Variants in SNX25 observed in about 807,000 individuals in gnomAD.
The protein encoded by SNX25 is sorting nexin 25, also known as sorting nexin-25.
SNX25 carries 62 observed loss-of-function variants against 113.7 expected under a neutral mutation model. The ratio of observed to expected loss-of-function variants is 0.55; its 90% CI spans 0.44 to 0.67. The LOEUF (loss-of-function observed/expected upper bound fraction) is 0.67, where lower values mean the gene tolerates loss of function less well. Among genes scored for constraint, SNX25 ranks in the 30% least tolerant of loss-of-function variants. The pLI, the probability that SNX25 is intolerant of heterozygous loss-of-function variation, is 0.00. For synonymous variants in SNX25, 421 were observed against 436.2 expected, an observed-to-expected ratio of 0.97 and a Z score of 0.43; for missense variants, 1,014 against 1,161.0, an observed-to-expected ratio of 0.87 and a Z score of 1.84.
At chr4:185,216,479 A>G (rs994506330) in intron 1 of SNX25, among the ~76,000 whole-genome samples, 29 of 151,582 alleles carry the variant, frequency 1.9e-4, no homozygotes, top group African/African-American at 6.8e-4. Flanking sequence ...ATGCTAATCA[A>G]GTGTACCCAG....
chr4:185,338,557 G>A (rs879679460), intron 10 of SNX25, among the ~76,000 whole-genome samples: 1 of 152,092 alleles, frequency 6.6e-6, no homozygotes, highest in Non-Finnish European at 1.5e-5. Context: ...CAAAGTGCTA[G>A]GATTACAGTT....
chr4:185,339,954 GT>G (rs202124778), intron 11 of SNX25, among the ~76,000 whole-genome samples: 4 of 151,658 alleles, frequency 2.6e-5, no homozygotes, highest in African/African-American at 4.8e-5. Flanking sequence ...TTATTTTGCT[GT>G]TTTTTTTGAG....
intron 6 of SNX25, among the ~76,000 whole-genome samples, chr4:185,289,463 G>T (rs1298327838): frequency 2.0e-5 from 3 of 152,266 alleles, no homozygotes; most frequent in South Asian, 2.1e-4. Context: ...CTGGAGAAGG[G>T]CAGGTGCCAA....
chr4:185,229,233 C>A (rs754933512), intron 1 of SNX25, among the ~76,000 whole-genome samples: 2 of 152,182 alleles, frequency 1.3e-5, no homozygotes, highest in Non-Finnish European at 2.9e-5. Flanking sequence ...GCCCACACCT[C>A]ATCAAGCCAA....
intron 5 of SNX25, among the ~76,000 whole-genome samples, chr4:185,278,801 A>T (rs78476435): frequency 0.016 from 2,432 of 152,354 alleles, 47 homozygotes; most frequent in South Asian, 0.059. Context: ...AACATATACG[A>T]ATGGTGCTAT....
chr4:185,310,914 A>G (rs1755152632), intron 7 of SNX25, 98 bp downstream of exon 7: 2 of 1,183,342 alleles, frequency 1.7e-6, no homozygotes, highest in South Asian at 1.7e-5. Flanking sequence ...TATTGAACTT[A>G]GACATGTGTG....
intron 6 of SNX25, among the ~76,000 whole-genome samples, chr4:185,302,587 T>C (rs1753865067): frequency 6.6e-6 from 1 of 152,230 alleles, no homozygotes; most frequent in South Asian, 2.1e-4. Context: ...GGGTTTTCCT[T>C]GCAGTGCCCT....
chr4:185,366,126 C>T (rs1002228056), downstream of SNX25: 1 of 152,178 alleles, frequency 6.6e-6, no homozygotes, highest in African/African-American at 2.4e-5. Context: ...GACCTGTCTT[C>T]GATATGTATA....
chr4:185,240,312 A>G (rs1206684293), intron 1 of SNX25, among the ~76,000 whole-genome samples: 1 of 151,760 alleles, frequency 6.6e-6, no homozygotes, highest in East Asian at 2.0e-4. Flanking sequence ...GTGGCCGGGC[A>G]GAGGGGCTCC....
chr4:185,233,950 C>T (rs2871438), intron 1 of SNX25, among the ~76,000 whole-genome samples: 5,013 of 152,144 alleles, frequency 0.033, 131 homozygotes, highest in East Asian at 0.11. Flanking sequence ...CTCTGCCTCC[C>T]GGGTTCACAC....
chr4:185,208,365 C>T (rs1054068869), upstream of SNX25, among the ~76,000 whole-genome samples: 1 of 152,122 alleles, frequency 6.6e-6, no homozygotes, highest in African/African-American at 2.4e-5. Context: ...TTATTTTGAT[C>T]ATCCCCTTGG....
chr4:185,327,482 C>G (rs1030016414), intron 9 of SNX25, among the ~76,000 whole-genome samples: 2 of 152,222 alleles, frequency 1.3e-5, no homozygotes, highest in African/African-American at 2.4e-5. Flanking sequence ...AAACATCCCT[C>G]TCTTTAAACA....
intron 1 of SNX25, among the ~76,000 whole-genome samples, chr4:185,240,389 C>CG (rs1330333760): frequency 1.4e-4 from 21 of 147,070 alleles, no homozygotes; most frequent in African/African-American, 2.5e-5. Flanking sequence ...GCTGGCCGGG[C>CG]GGGGGGCTGA....
At position 185,222,485 on chromosome 4, in the gene SNX25, C is replaced by T. The variant is rs114292456; in HGVS notation, c.429+12230C>T. Among the ~76,000 whole-genome samples, 845 of 151,532 alleles carry T rather than the reference C, an allele frequency of 5.6e-3. 6 individuals are homozygous for T. The highest frequency in any genetic ancestry group is 0.019 in the African/African-American group (770 of 41,272). ...TTCAGCACCCTATACCCCTCCCTCT[C>T]GGTAGGTTTACAGCGCCGTATACCC... On this transcript the variant is annotated intron_variant, in intron 1 of 18. Coordinates refer to ENST00000652585, the MANE Select transcript of SNX25 (RefSeq NM_001378034.2).
intron 5 of SNX25, among the ~76,000 whole-genome samples, chr4:185,267,746 T>TG (rs1748340702): frequency 6.6e-6 from 1 of 150,410 alleles, no homozygotes; most frequent in South Asian, 2.1e-4. Context: ...AAAAAAAAAA[T>TG]TGACTCTCCA....
intron 5 of SNX25, among the ~76,000 whole-genome samples, chr4:185,272,786 A>T (rs182734401): frequency 5.9e-5 from 9 of 152,344 alleles, no homozygotes; most frequent in Admixed American, 5.9e-4. Flanking sequence ...GTTGAGGAGA[A>T]TATTGACTGA....
chr4:185,253,554 G>A (rs1745978604), intron 2 of SNX25, among the ~76,000 whole-genome samples: 1 of 150,478 alleles, frequency 6.6e-6, no homozygotes, highest in African/African-American at 2.4e-5. Flanking sequence ...TGTAACCTCC[G>A]CCTCCTGGGT....
intron 1 of SNX25, among the ~76,000 whole-genome samples, chr4:185,245,607 A>G (rs900812721): frequency 6.6e-6 from 1 of 152,032 alleles, no homozygotes; most frequent in Admixed American, 6.6e-5. Flanking sequence ...CCAAAGTGCT[A>G]GGATTATAAG....
In SNX25 at chr4:185,353,605, A is replaced by G. The variant is rs1195057892; in HGVS notation, c.2584+3A>G. On this transcript the variant is annotated splice_donor_region_variant and intron_variant, in intron 15 of 18. Coordinates refer to ENST00000652585, the MANE Select transcript of SNX25 (RefSeq NM_001378034.2). Reference sequence around the variant, plus strand: ...GGAGATTTTTGAACTTCGAGGAAGTAAGCTTCTTTGTTATTATTTAGTGGT... The same window carrying G: ...GGAGATTTTTGAACTTCGAGGAAGTGAGCTTCTTTGTTATTATTTAGTGGT... 6.2e-7 allele frequency: 1 copy of G among 1,609,580 alleles called. No homozygotes were observed. The highest frequency in any genetic ancestry group is 1.1e-5 in the South Asian group (1 of 91,000).
Sources: gnomAD v4.1 joint callset for allele counts (sites outside exome capture counted in the v4.1 genomes callset) on GRCh38, gnomAD v4.1.1 for gene constraint, MANE v1.5 for transcripts, NCBI Gene and HGNC (gene_info 2026-07-23, HGNC 2026-07-21) for gene names.